Variants in PIP4K2A observed in about 807,000 individuals in gnomAD.
PIP4K2A encodes phosphatidylinositol 5-phosphate 4-kinase type-2 alpha.
Under a neutral mutation model 42.9 loss-of-function variants are expected in PIP4K2A, and 14 were observed. That is an observed-to-expected ratio of 0.33 (90% CI 0.22 to 0.51). The LOEUF (loss-of-function observed/expected upper bound fraction) is 0.51, where lower values mean the gene tolerates loss of function less well. Among genes scored for constraint, PIP4K2A ranks in the 20% least tolerant of loss-of-function variants. The pLI, the probability that PIP4K2A is intolerant of heterozygous loss-of-function variation, is 0.97. For synonymous variants in PIP4K2A, 192 were observed against 192.2 expected (o/e 1.00, Z 0.01); for missense variants, 434 against 519.8 (o/e 0.83, Z 1.61).
At chr10:22,670,860 TGTAA>T (rs1370578521) in intron 1 of PIP4K2A, among the ~76,000 whole-genome samples, 1 of 152,086 alleles carries the variant, frequency 6.6e-6, no homozygotes, top group African/African-American at 2.4e-5. Flanking sequence ...AAACGGCAAA[TGTAA>T]GTGTGACACT....
intron 1 of PIP4K2A, among the ~76,000 whole-genome samples, chr10:22,690,103 TAATA>T (rs1839834521): frequency 6.6e-6 from 1 of 152,168 alleles, no homozygotes; most frequent in African/African-American, 2.4e-5. Flanking sequence ...ATCATAACAA[TAATA>T]AATAACAGCA....
intron 3 of PIP4K2A, among the ~76,000 whole-genome samples, chr10:22,605,451 G>T (rs767763881): frequency 6.6e-5 from 10 of 151,780 alleles, no homozygotes; most frequent in Non-Finnish European, 1.3e-4. Flanking sequence ...TTTGTAGGGC[G>T]AAAAAAAGGG....
intron 1 of PIP4K2A, among the ~76,000 whole-genome samples, chr10:22,674,436 A>C (rs956765948): frequency 6.6e-6 from 1 of 150,650 alleles, no homozygotes; most frequent in Admixed American, 6.6e-5. Flanking sequence ...AAAAAAAAAA[A>C]AAGAAGACCA....
intron 5 of PIP4K2A, 75 bp from the exon 6 acceptor site, chr10:22,567,964 C>G: frequency 1.5e-6 from 2 of 1,351,980 alleles, no homozygotes; most frequent in Non-Finnish European, 2.1e-6. Context: ...ATGAAAATGG[C>G]TCCAGGCGGA....
intron 1 of PIP4K2A, among the ~76,000 whole-genome samples, chr10:22,612,743 G>A (rs1302864105): frequency 2.0e-5 from 3 of 152,016 alleles, no homozygotes; most frequent in Admixed American, 6.5e-5. Flanking sequence ...TGGGTCCAAC[G>A]ACTGGCACAA....
At chr10:22,573,487 A>T in intron 4 of PIP4K2A, 30 bp from the exon 5 acceptor site, 1 of 1,587,628 alleles carries the variant, frequency 6.3e-7, no homozygotes, top group Non-Finnish European at 8.6e-7. Context: ...AAAGGAAAAA[A>T]ACATCCAATC....
intron 1 of PIP4K2A, among the ~76,000 whole-genome samples, chr10:22,628,081 G>C (rs1222971377): frequency 6.6e-6 from 1 of 152,140 alleles, no homozygotes; most frequent in African/African-American, 2.4e-5. Context: ...ATCTAGCAAA[G>C]AAAAATCCTG....
intron 8 of PIP4K2A, 98 bp downstream of exon 8, chr10:22,541,706 G>A: frequency 7.4e-7 from 1 of 1,354,970 alleles, no homozygotes; most frequent in South Asian, 1.7e-5. Context: ...GTGCTGCCGG[G>A]CAGCACCCTC....
rs1338858215 is a variant in PIP4K2A, at chr10:22,550,552, G to GT, written c.792+106dup. 6 of 743,660 alleles carry GT rather than the reference G, an allele frequency of 8.1e-6. No individual in the cohort carries two copies. In the East Asian group the frequency reaches 1.5e-4, roughly 18 times the overall value. The allele number at this position is 743,660 out of a possible 1,614,324, so 46.1% of individuals were successfully genotyped here. Reference sequence around the variant, plus strand: ...GACTTCCCTAAGGTAGAGTATGCAGGTTTTTGCCTTGATTGAAGATTTAAA... The same window carrying GT: ...GACTTCCCTAAGGTAGAGTATGCAGGTTTTTTGCCTTGATTGAAGATTTAAA... On this transcript the variant is annotated intron_variant, in intron 7 of 9. Transcript: ENST00000376573.
chr10:22,714,371 G>A lies in PIP4K2A; in HGVS notation c.-45C>T, dbSNP rs745661664. On this transcript the variant is annotated 5_prime_UTR_variant, in exon 1 of 10. Coordinates refer to ENST00000376573, the MANE Select transcript of PIP4K2A (RefSeq NM_005028.5). The stretch of plus-strand genomic sequence containing the variant: ...TCCACCGCCGTGCTCCCGAGGCCGG[G>A]GACCCGCCCTCTCTACACCCCGGCC... 8.2e-6 allele frequency: 12 copies of A among 1,465,852 alleles called. No homozygotes were observed. The South Asian group carries it at 1.6e-4, about 19-fold the overall frequency. The allele number at this position is 1,465,852 out of a possible 1,614,324, so 90.8% of individuals were successfully genotyped here.
intron 1 of PIP4K2A, among the ~76,000 whole-genome samples, chr10:22,628,694 G>C (rs1838494267): frequency 6.6e-6 from 1 of 152,166 alleles, no homozygotes; most frequent in Non-Finnish European, 1.5e-5. Context: ...TAGGTAGATT[G>C]AAAAATTTTC....
rs541618414 is a variant in PIP4K2A at position 22,647,047 on chromosome 10, T to C, written c.145-37330A>G. Among the ~76,000 whole-genome samples the C allele has an allele frequency of 4.9e-4, 75 of 152,300 alleles. No individual in the cohort carries two copies. The South Asian group carries it at 8.3e-3, about 17-fold the overall frequency. Reference sequence around the variant, plus strand: ...TCTCTCACTGAAACAAACAGAATTGTTTACTTCTACTACAAAGTTTTTTCA... The same window carrying C: ...TCTCTCACTGAAACAAACAGAATTGCTTACTTCTACTACAAAGTTTTTTCA... On this transcript the variant is annotated intron_variant, in intron 1 of 9. Coordinates refer to ENST00000376573, the MANE Select transcript of PIP4K2A (RefSeq NM_005028.5).
chr10:22,556,530 C>T (rs557936127), intron 6 of PIP4K2A, among the ~76,000 whole-genome samples: 2 of 152,194 alleles, frequency 1.3e-5, no homozygotes, highest in East Asian at 3.9e-4. Context: ...AATGATTTTA[C>T]GTATCTGGCC....
intron 1 of PIP4K2A, among the ~76,000 whole-genome samples, chr10:22,650,677 A>G (rs1838975930): frequency 1.3e-5 from 2 of 152,212 alleles, no homozygotes; most frequent in African/African-American, 4.8e-5. Context: ...AGATAAACTC[A>G]TTCTTTATTT....
intron 6 of PIP4K2A, among the ~76,000 whole-genome samples, chr10:22,564,097 T>A (rs1467475452): frequency 6.6e-6 from 1 of 152,218 alleles, no homozygotes; most frequent in Non-Finnish European, 1.5e-5. Flanking sequence ...AGGAGGGCAG[T>A]GAACTGTGGT....
At chr10:22,603,169 AAAG>A (rs1326736401) in intron 3 of PIP4K2A, among the ~76,000 whole-genome samples, 3 of 152,218 alleles carry the variant, frequency 2.0e-5, no homozygotes, top group Non-Finnish European at 4.4e-5. Flanking sequence ...TTACAAACAC[AAAG>A]AAGAAAGGGC....
chr10:22,604,134 A>G (rs1329428757), intron 3 of PIP4K2A, among the ~76,000 whole-genome samples: 5 of 152,246 alleles, frequency 3.3e-5, no homozygotes, highest in Admixed American at 6.5e-5. Flanking sequence ...CAACAAGGAA[A>G]AGTCATTTTT....
intron 1 of PIP4K2A, among the ~76,000 whole-genome samples, chr10:22,672,246 C>G (rs1379567750): frequency 6.6e-6 from 1 of 150,712 alleles, no homozygotes; most frequent in Non-Finnish European, 1.5e-5. Flanking sequence ...AACAAGGTTC[C>G]CTCTGGCTGC....
intron 4 of PIP4K2A, among the ~76,000 whole-genome samples, chr10:22,582,465 G>C (rs1028264789): frequency 6.6e-6 from 1 of 152,182 alleles, no homozygotes; most frequent in African/African-American, 2.4e-5. Context: ...ATCTCCGCAC[G>C]ATAGTGTGAA....
Sources: gnomAD v4.1 joint callset for allele counts (sites outside exome capture counted in the v4.1 genomes callset) on GRCh38, gnomAD v4.1.1 for gene constraint, MANE v1.5 for transcripts, NCBI Gene and HGNC (gene_info 2026-07-23, HGNC 2026-07-21) for gene names.